MAP3K13: variants seen among roughly 807,000 people sequenced by gnomAD.
The protein encoded by MAP3K13 is leucine zipper-bearing kinase.
In MAP3K13, 52 loss-of-function variants were observed where a neutral mutation model predicts 104.0. The ratio of observed to expected loss-of-function variants is 0.50; its 90% confidence interval spans 0.40 to 0.63. The LOEUF (loss-of-function observed/expected upper bound fraction) is 0.63, where lower values mean the gene tolerates loss of function less well. Ranked by LOEUF, MAP3K13 falls within the 20% of genes least tolerant of loss-of-function variation. The probability of loss-of-function intolerance (pLI) is 0.00; values close to 1 mark genes in which losing one functional copy is unlikely to be tolerated. For synonymous variants in MAP3K13, 394 were observed against 442.2 expected (o/e 0.89, Z 1.37); for missense variants, 914 against 1,218.5 (o/e 0.75, Z 3.72).
In MAP3K13 at chr3:185,390,885, T is replaced by A. The variant is rs529574925; in HGVS notation, c.-86+27517T>A. On this transcript the variant is annotated intron_variant, in intron 1 of 13. Transcript: ENST00000265026. ...ATCGGCCTGCCTCGGCCTCACAAAG[T>A]GCTGGGATTACAGGCGTGAGCCACT... Among the ~76,000 whole-genome samples, 55 of 152,184 alleles carry A rather than the reference T, an allele frequency of 3.6e-4. No homozygotes were observed. The South Asian group carries it at 0.011, about 31-fold the overall frequency.
chr3:185,312,052 G>C (rs1047951871), intron 2 of MAP3K13, among the ~76,000 whole-genome samples: 1 of 152,232 alleles, frequency 6.6e-6, no homozygotes, highest in African/African-American at 2.4e-5. Flanking sequence ...AATAGCCACT[G>C]TGTCTTTGGT....
At chr3:185,287,294 T>A (rs1234299311) in intron 2 of MAP3K13, among the ~76,000 whole-genome samples, 2 of 152,242 alleles carry the variant, frequency 1.3e-5, no homozygotes, top group Non-Finnish European at 2.9e-5. Context: ...TTATTTGAAT[T>A]GCTATTTAGG....
Position 185,429,068 on chromosome 3 carries a change from T to C in MAP3K13, c.475+12T>C. On this transcript the variant is annotated intron_variant, in intron 2 of 13. Transcript: ENST00000265026. ...ATTGCAGCAGCAAGGTAAGCTAGAA[T>C]ATGGACTTGGAAGATATTTCTTGTG... 1 of 1,607,954 alleles carries C rather than the reference T, an allele frequency of 6.2e-7. No homozygotes were observed. Among genetic ancestry groups the C allele is most frequent in the Non-Finnish European group, 8.5e-7 (1 of 1,175,700 alleles).
intron 2 of MAP3K13, among the ~76,000 whole-genome samples, chr3:185,318,399 G>T (rs73887864): frequency 6.6e-6 from 1 of 152,114 alleles, no homozygotes; most frequent in African/African-American, 2.4e-5. Context: ...ATGAATTAAA[G>T]TATTGTCATT....
rs148290177 is a variant in MAP3K13 at position 185,290,054 on chromosome 3, G to A, written c.-86+4411G>A. Among the ~76,000 whole-genome samples the A allele has an allele frequency of 9.2e-5, 14 of 152,164 alleles. No individual in the cohort carries two copies. The East Asian group carries it at 2.3e-3, about 25-fold the overall frequency. Reference sequence around the variant, plus strand: ...TTGCTGAAGGTTAATGTATATAAAGGCTTGCCTAAGTAAAAATAGCTATTA... The same window carrying A: ...TTGCTGAAGGTTAATGTATATAAAGACTTGCCTAAGTAAAAATAGCTATTA... On this transcript the variant is annotated intron_variant, in intron 2 of 14. Transcript: ENST00000424227.
intron 2 of MAP3K13, among the ~76,000 whole-genome samples, chr3:185,323,333 C>CT (rs869206853): frequency 0.024 from 3,200 of 134,276 alleles, 78 homozygotes; most frequent in African/African-American, 0.039. Flanking sequence ...TTTGGCATAC[C>CT]TTTTTTTTTT....
intron 1 of MAP3K13, among the ~76,000 whole-genome samples, chr3:185,391,391 A>G (rs2108768254): frequency 6.6e-6 from 1 of 152,348 alleles, no homozygotes; most frequent in African/African-American, 2.4e-5. Context: ...ATATTGTAGC[A>G]TGTGCTGTCA....
chr3:185,387,847 C>A, intron 1 of MAP3K13, among the ~76,000 whole-genome samples: 1 of 151,972 alleles, frequency 6.6e-6, no homozygotes, highest in East Asian at 1.9e-4. Flanking sequence ...TAAACAGCAT[C>A]CAAATTGGAA....
At chr3:185,389,570 A>G (rs1398777347) in intron 1 of MAP3K13, among the ~76,000 whole-genome samples, 2 of 152,046 alleles carry the variant, frequency 1.3e-5, no homozygotes, top group Non-Finnish European at 2.9e-5. Flanking sequence ...AAAAAAAGAT[A>G]GAAAAGAAAA....
In MAP3K13 at chr3:185,473,615, G is replaced by C; in HGVS notation, c.2284G>C (p.Ala762Pro). 5 of 1,614,204 alleles carry C rather than the reference G, an allele frequency of 3.1e-6. No individual in the cohort carries two copies. The highest frequency in any genetic ancestry group is 4.2e-6 in the Non-Finnish European group (5 of 1,180,046). Residue 762 changes from alanine (A) to proline (P), a missense_variant, in exon 11 of 14, where the codon GCA (alanine) becomes CCA (proline). Transcript: ENST00000265026. This position sits in a 1 kb window ranked among gnomAD's most constrained non-coding sequence, Gnocchi z 4.9. ...GRSPDLSKSP[A>P]HNPLLENAQS... ...GAGCCCTGACCTTTCCAAGTCACCA[G>C]CACATAATCCTCTCTTGGAAAACGC...
At chr3:185,443,722 A>G in intron 4 of MAP3K13, 86 bp downstream of exon 4, 1 of 1,119,132 alleles carries the variant, frequency 8.9e-7, no homozygotes, top group Non-Finnish European at 1.3e-6. Context: ...ACGTTTTCAG[A>G]CATCATACCT....
intron 1 of MAP3K13, among the ~76,000 whole-genome samples, chr3:185,407,199 T>C (rs1035684384): frequency 2.6e-5 from 4 of 152,090 alleles, no homozygotes; most frequent in African/African-American, 9.7e-5. Flanking sequence ...TTTTAAACCA[T>C]TTTTTGCCAC....
chr3:185,475,536 C>CCTA lies in MAP3K13; in HGVS notation c.2430+1775_2430+1776insCTA, dbSNP rs755339961. On this transcript the variant is annotated intron_variant, in intron 11 of 13. Coordinates refer to ENST00000265026, the MANE Select transcript of MAP3K13 (RefSeq NM_004721.5). ...ACCTACATTGCTGCTCCTATACTGA[C>CCTA]TAAGCAGTCCCAGAGATTAAATTGT... 3.4e-3 allele frequency among the ~76,000 whole-genome samples: 511 copies of CCTA among 152,318 alleles called. 1 individual carries two copies. Among genetic ancestry groups the CCTA allele is most frequent in the Non-Finnish European group, 6.1e-3 (415 of 68,028 alleles).
intron 2 of MAP3K13, among the ~76,000 whole-genome samples, chr3:185,435,386 C>T (rs207464153): frequency 2.6e-5 from 4 of 152,094 alleles, no homozygotes; most frequent in African/African-American, 7.2e-5. Flanking sequence ...CTGTGTACCA[C>T]GTGTGCTGCA....
chr3:185,331,342 G>A (rs1037410334), intron 2 of MAP3K13, among the ~76,000 whole-genome samples: 6 of 151,984 alleles, frequency 3.9e-5, no homozygotes, highest in African/African-American at 1.4e-4. Flanking sequence ...TGATCTGCCT[G>A]CCTTGGCCTC....
At chr3:185,454,615 T>TATATATG in intron 7 of MAP3K13, among the ~76,000 whole-genome samples, 2 of 46,890 alleles carry the variant, frequency 4.3e-5, no homozygotes, top group South Asian at 7.8e-4. Flanking sequence ...ATATATATGA[T>TATATATG]ATATATATGA....
At chr3:185,365,399 G>T (rs967624314) in intron 1 of MAP3K13, among the ~76,000 whole-genome samples, 1 of 152,184 alleles carries the variant, frequency 6.6e-6, no homozygotes, top group Non-Finnish European at 1.5e-5. Flanking sequence ...GCCATGTCCT[G>T]GGGAACTGTC....
chr3:185,327,515 G>A (rs1722080269), intron 2 of MAP3K13, among the ~76,000 whole-genome samples: 1 of 150,368 alleles, frequency 6.7e-6, no homozygotes, highest in Non-Finnish European at 1.5e-5. Flanking sequence ...AAAGAATTAA[G>A]ATGATCTCCA....
intron 1 of MAP3K13, among the ~76,000 whole-genome samples, chr3:185,364,403 C>T (rs1370634362): frequency 2.6e-5 from 4 of 152,138 alleles, no homozygotes; most frequent in South Asian, 2.1e-4. Context: ...TCACTTTGAG[C>T]GATTTATATG....
Sources: allele counts gnomAD v4.1 joint callset (sites outside exome capture counted in the v4.1 genomes callset), GRCh38; gene constraint gnomAD v4.1.1; non-coding constraint Gnocchi (gnomAD v3.1); transcripts MANE v1.5; gene names NCBI Gene and HGNC (gene_info 2026-07-23, HGNC 2026-07-21).